The following NCAM1 variants were observed in gnomAD, a reference collection of about 807,000 sequenced individuals.
NCAM1 encodes antigen recognized by monoclonal antibody 5.1H11.
A neutral mutation model predicts 109.8 loss-of-function variants in NCAM1; 14 were observed. That is an observed-to-expected ratio of 0.13 (90% confidence interval 0.08 to 0.20). NCAM1 has a LOEUF of 0.20. NCAM1 is among the 10% of genes least tolerant of loss of function. The pLI is 1.00. For synonymous variants in NCAM1, 418 were observed against 442.9 expected, an observed-to-expected ratio of 0.94 and a Z score of 0.70; for missense variants, 774 against 1,109.9, an observed-to-expected ratio of 0.70 and a Z score of 4.30.
At chr11:113,210,802 A>C (rs1009241358) in intron 7 of NCAM1, among the ~76,000 whole-genome samples, 10 of 150,450 alleles carry the variant, frequency 6.6e-5, no homozygotes, top group African/African-American at 1.9e-4. Flanking sequence ...ACACACACAC[A>C]CACACACACA....
Position 113,049,981 on chromosome 11 carries a change from C to T in NCAM1, c.52+88317C>T, listed in dbSNP as rs186322633. On this transcript the variant is annotated intron_variant, in intron 1 of 19. Transcript: ENST00000316851. Reference sequence around the variant, plus strand: ...AGGCATTTGGCATGAGTCTGAATGCCTGAAAAAGAATGCCTTGGAGAAAGT... The same window carrying T: ...AGGCATTTGGCATGAGTCTGAATGCTTGAAAAAGAATGCCTTGGAGAAAGT... Among the ~76,000 whole-genome samples, 4 of 152,230 alleles carry T rather than the reference C, an allele frequency of 2.6e-5. No individual in the cohort carries two copies. The East Asian group carries it at 7.7e-4, about 29-fold the overall frequency.
At chr11:113,036,082 A>G (rs7935745) in intron 1 of NCAM1, among the ~76,000 whole-genome samples, 68,206 of 151,338 alleles carry the variant, frequency 0.45, 16,245 homozygotes, top group East Asian at 0.8. Flanking sequence ...AGCCTTGTCT[A>G]CTTGACTCCC....
chr11:113,153,453 T>TGAGAGAGA (rs10669540), intron 1 of NCAM1, among the ~76,000 whole-genome samples: 11 of 141,176 alleles, frequency 7.8e-5, no homozygotes, highest in African/African-American at 2.6e-4. Flanking sequence ...AGACAGAGAG[T>TGAGAGAGA]GAGAGAGAGA....
intron 1 of NCAM1, among the ~76,000 whole-genome samples, chr11:112,994,325 T>G (rs1234198985): frequency 6.6e-6 from 1 of 152,208 alleles, no homozygotes; most frequent in Non-Finnish European, 1.5e-5. Context: ...GCCTCTATGA[T>G]TCTGATGAGA....
intron 1 of NCAM1, chr11:113,133,473 C>T (rs538381542): frequency 2.7e-4 from 41 of 152,320 alleles, no homozygotes; most frequent in African/African-American, 9.9e-4. Context: ...ACCGTATTAA[C>T]ATGCTGAAAC....
At chr11:113,261,164 G>A (rs575661329) in intron 17 of NCAM1, among the ~76,000 whole-genome samples, 1 of 152,266 alleles carries the variant, frequency 6.6e-6, no homozygotes, top group South Asian at 2.1e-4. Flanking sequence ...CCATGTTCAA[G>A]TGTGGTGGGA....
chr11:112,965,368 C>A (rs781939973), intron 1 of NCAM1, among the ~76,000 whole-genome samples: 5 of 152,082 alleles, frequency 3.3e-5, no homozygotes, highest in Non-Finnish European at 7.4e-5. Flanking sequence ...CCCCCAAATT[C>A]CAAGTTTTGA....
intron 1 of NCAM1, among the ~76,000 whole-genome samples, chr11:113,155,520 C>CA (rs1303846959): frequency 1.2e-3 from 181 of 149,882 alleles, no homozygotes; most frequent in Non-Finnish European, 2.1e-3. Context: ...AAAAAAAAAA[C>CA]AAAAAACAAA....
At chr11:113,270,145 C>A (rs374682441) in intron 17 of NCAM1, 43 bp from the exon 18 acceptor site, 50 of 1,595,820 alleles carry the variant, frequency 3.1e-5, no homozygotes, top group Non-Finnish European at 4.1e-5. Flanking sequence ...GGAGGTCTCG[C>A]ATCTCAGTCT....
chr11:113,108,667 A>G (rs1283386497), intron 1 of NCAM1, among the ~76,000 whole-genome samples: 1 of 152,072 alleles, frequency 6.6e-6, no homozygotes, highest in Non-Finnish European at 1.5e-5. Flanking sequence ...ACTTTGTACT[A>G]TCTGAAATAA....
intron 13 of NCAM1, among the ~76,000 whole-genome samples, chr11:113,234,704 T>A (rs1945110971): frequency 6.6e-6 from 1 of 152,258 alleles, no homozygotes; most frequent in Non-Finnish European, 1.5e-5. Flanking sequence ...CAGTCAGTGG[T>A]CATTTGGGTT....
At chr11:113,119,040 A>C (rs1206600586) in intron 1 of NCAM1, among the ~76,000 whole-genome samples, 4 of 152,010 alleles carry the variant, frequency 2.6e-5, no homozygotes, top group African/African-American at 9.7e-5. Flanking sequence ...TAGTTTTAAA[A>C]GAAGGCAAAT....
intron 1 of NCAM1, among the ~76,000 whole-genome samples, chr11:113,093,013 T>C (rs1565431643): frequency 6.6e-6 from 1 of 152,228 alleles, no homozygotes; most frequent in African/African-American, 2.4e-5. Flanking sequence ...ATTTTCTTCA[T>C]TGAGTATTTC....
At chr11:113,262,951 GC>G in intron 17 of NCAM1, 1 of 1,608,922 alleles carries the variant, frequency 6.2e-7, no homozygotes. Context: ...AATTAAATTT[GC>G]TTAAAAGCCC....
In NCAM1 at chr11:113,214,505, A is replaced by G. The variant is rs1944472140; in HGVS notation, c.1053A>G (p.Glu351=). 6.2e-7 allele frequency: 1 copy of G among 1,606,522 alleles called. No individual in the cohort carries two copies. The highest frequency in any genetic ancestry group is 8.5e-7 in the Non-Finnish European group (1 of 1,176,364). The change falls in exon 8 of 20, where the codon GAA becomes GAG. Residue 351 remains glutamate, a synonymous_variant. Transcript: ENST00000316851. ...WRTSTRNISS[E]EKASWTRPEK... ...CTTCTACCCGGAACATCAGCAGCGA[A>G]GAAAAGGTATCATGCTCCCCAGGAG...
intron 1 of NCAM1, among the ~76,000 whole-genome samples, chr11:113,158,562 C>T (rs1555103833): frequency 1.3e-5 from 2 of 152,148 alleles, no homozygotes; most frequent in Admixed American, 6.6e-5. Flanking sequence ...TCCCCTTGTC[C>T]CTCCATCTTT....
intron 1 of NCAM1, among the ~76,000 whole-genome samples, chr11:113,135,025 T>C (rs1555099118): frequency 6.6e-6 from 1 of 152,004 alleles, no homozygotes. Context: ...ACCTTACCCG[T>C]CATTGAGTTG....
At chr11:113,195,038 A>G (rs1173297242) in intron 1 of NCAM1, among the ~76,000 whole-genome samples, 4 of 152,248 alleles carry the variant, frequency 2.6e-5, no homozygotes, top group Non-Finnish European at 5.9e-5. Context: ...TTAAGCCATG[A>G]GGATACTTCC....
chr11:113,191,946 G>A (rs782517483), intron 1 of NCAM1, among the ~76,000 whole-genome samples: 10 of 152,152 alleles, frequency 6.6e-5, no homozygotes, highest in Admixed American at 1.3e-4. Context: ...GCACGGGCAG[G>A]ATCTAAAATT....
Sources: allele counts gnomAD v4.1 joint callset (sites outside exome capture counted in the v4.1 genomes callset), GRCh38; gene constraint gnomAD v4.1.1; transcripts MANE v1.5; gene names NCBI Gene and HGNC (gene_info 2026-07-23, HGNC 2026-07-21).